Variants in CLHC1 observed in about 807,000 individuals in gnomAD.
CLHC1 encodes clathrin heavy chain linker domain containing 1.
Under a neutral mutation model 69.5 loss-of-function variants are expected in CLHC1, and 72 were observed. That is an observed-to-expected ratio of 1.04 (90% confidence interval 0.86 to 1.26). The LOEUF is 1.26. Ranked by LOEUF, CLHC1 falls within the 50% of genes most tolerant of loss-of-function variation. CLHC1 has a pLI of 0.00. For missense variants in CLHC1, 790 were observed against 679.3 expected, an observed-to-expected ratio of 1.16 and a Z score of -1.81; for synonymous variants, 223 against 224.3, an observed-to-expected ratio of 0.99 and a Z score of 0.05.
chr2:55,219,242 A>T (rs191526684), intron 3 of CLHC1, among the ~76,000 whole-genome samples: 9 of 152,286 alleles, frequency 5.9e-5, no homozygotes, highest in Admixed American at 5.2e-4. Flanking sequence ...GTAGGTAATA[A>T]ATATGTAGTG....
chr2:55,219,134 G>A (rs992130781), intron 3 of CLHC1, among the ~76,000 whole-genome samples: 2 of 152,068 alleles, frequency 1.3e-5, no homozygotes, highest in African/African-American at 4.8e-5. Flanking sequence ...ATCAATCTGC[G>A]GCTTTCCAAA....
chr2:55,208,439 T>C (rs1672648321), intron 8 of CLHC1, among the ~76,000 whole-genome samples, 187 bp downstream of exon 8: 1 of 152,188 alleles, frequency 6.6e-6, no homozygotes, highest in Non-Finnish European at 1.5e-5. Flanking sequence ...ATTTTTCGGA[T>C]TTTGGAGCAT....
intron 4 of CLHC1, 89 bp from the exon 5 acceptor site, chr2:55,212,895 T>G: frequency 2.9e-6 from 3 of 1,039,504 alleles, no homozygotes; most frequent in Non-Finnish European, 4.4e-6. Flanking sequence ...AATCATTACT[T>G]TATTTTGAAC....
At chr2:55,178,925 T>C (rs1413895907) in intron 11 of CLHC1, among the ~76,000 whole-genome samples, 1 of 147,758 alleles carries the variant, frequency 6.8e-6, no homozygotes, top group African/African-American at 2.4e-5. Context: ...AAAATTATTA[T>C]TATTATTATT....
At chr2:55,210,798 G>A (rs182035975) in intron 5 of CLHC1, among the ~76,000 whole-genome samples, 9 of 151,916 alleles carry the variant, frequency 5.9e-5, no homozygotes, top group East Asian at 3.9e-4. Flanking sequence ...TCACTCTCCC[G>A]TCTACTTATT....
chr2:55,217,552 AATATATATATATAT>A (rs781577612), intron 4 of CLHC1, among the ~76,000 whole-genome samples: 478 of 43,162 alleles, frequency 0.011, 7 homozygotes, highest in Middle Eastern at 0.045. Context: ...AAAAAAAAAA[AATATATATATATAT>A]ATATATATAT....
At chr2:55,182,676 T>G (rs1573599564) in intron 9 of CLHC1, among the ~76,000 whole-genome samples, 1 of 152,220 alleles carries the variant, frequency 6.6e-6, no homozygotes, top group East Asian at 1.9e-4. Flanking sequence ...GCCTGGAAAG[T>G]TTAAAGGTGA....
chr2:55,209,457 C>T lies in CLHC1; in HGVS notation c.761G>A (p.Ser254Asn). The part of the protein sequence containing the change: ...ALSSWVKSDM[S>N]SPFQDFVEQI... ...CTCCACAAAGTCTTGAAATGGGCTG[C>T]TCATATCAGATTTTACCCATGAACT... Residue 254 changes from serine to asparagine, a missense_variant, in exon 7 of 13, where the codon AGC (serine) becomes AAC (asparagine). Ser to Asn is a conservative substitution (Grantham distance 46, BLOSUM62 1). Coordinates refer to ENST00000401408, the MANE Select transcript of CLHC1 (RefSeq NM_152385.4). 4.3e-6 allele frequency: 7 copies of T among 1,612,644 alleles called. No homozygotes were observed. Among genetic ancestry groups the T allele is most frequent in the Non-Finnish European group, 5.9e-6 (7 of 1,179,558 alleles).
chr2:55,194,987 G>C (rs1214165256), intron 9 of CLHC1, among the ~76,000 whole-genome samples: 1 of 151,712 alleles, frequency 6.6e-6, no homozygotes, highest in Admixed American at 6.6e-5. Flanking sequence ...TGTGATCATA[G>C]CTCACTGCAG....
chr2:55,184,447 A>T (rs1670228859), intron 9 of CLHC1, among the ~76,000 whole-genome samples: 1 of 152,172 alleles, frequency 6.6e-6, no homozygotes, highest in Non-Finnish European at 1.5e-5. Flanking sequence ...TTTCAAGTAG[A>T]TAAAGTAGCT....
intron 9 of CLHC1, among the ~76,000 whole-genome samples, chr2:55,192,976 C>T (rs941882804): frequency 6.0e-5 from 9 of 150,852 alleles, no homozygotes; most frequent in Admixed American, 2.0e-4. Context: ...CTGCAACCTC[C>T]GCCTCCTGGG....
chr2:55,225,869 C>T (rs1052902527), intron 2 of CLHC1: 1 of 152,218 alleles, frequency 6.6e-6, no homozygotes, highest in Non-Finnish European at 1.5e-5. Context: ...TCAAGGCCAA[C>T]TGTCACGTGA....
chr2:55,180,458 C>T (rs1669818773), intron 11 of CLHC1, 52 bp downstream of exon 11: 2 of 1,363,050 alleles, frequency 1.5e-6, no homozygotes, highest in African/African-American at 1.4e-5. Context: ...GGTAATCTTA[C>T]AATTAAAGCC....
chr2:55,190,569 A>G (rs1430593241), intron 9 of CLHC1, among the ~76,000 whole-genome samples: 1 of 152,210 alleles, frequency 6.6e-6, no homozygotes, highest in African/African-American at 2.4e-5. Context: ...AGAAACTCAA[A>G]TCAAAGTTAC....
Position 55,222,396 on chromosome 2 carries a change from T to G in CLHC1, c.16A>C (p.Ile6Leu), listed in dbSNP as rs1384096311. Residue 6 changes from isoleucine (I) to leucine (L), a missense_variant, in exon 3 of 13, where the codon ATA becomes CTA. By Grantham distance (5) the Ile-to-Leu change is conservative (BLOSUM62 2). Transcript: ENST00000401408. ...GGTGGGAGAACTGCATGTTTTCTTA[T>G]TTGATGAACTGACATATTTGACAAT... is the stretch of plus-strand genomic sequence containing the variant. Reference protein sequence around the residue: MSVHQIRKHAVLPPII... With the variant: MSVHQLRKHAVLPPII... 1 of 1,613,442 alleles carries G rather than the reference T, an allele frequency of 6.2e-7. No homozygotes were observed. Among genetic ancestry groups the G allele is most frequent in the South Asian group, 1.1e-5 (1 of 91,008 alleles).
chr2:55,197,546 C>T (rs779511788), intron 9 of CLHC1, among the ~76,000 whole-genome samples: 8 of 152,170 alleles, frequency 5.3e-5, no homozygotes, highest in Non-Finnish European at 1.0e-4. Flanking sequence ...GGAGAGACTC[C>T]ATTTTAGGGG....
intron 9 of CLHC1, among the ~76,000 whole-genome samples, chr2:55,187,338 C>T (rs1345413903): frequency 2.0e-5 from 3 of 146,584 alleles, no homozygotes; most frequent in African/African-American, 8.0e-5. Flanking sequence ...CTGGGCCAGG[C>T]GTGGTGGCTC....
chr2:55,193,076 T>C (rs767204516), intron 9 of CLHC1, among the ~76,000 whole-genome samples: 62 of 152,084 alleles, frequency 4.1e-4, no homozygotes, highest in Non-Finnish European at 8.1e-4. Flanking sequence ...GTATATTTAG[T>C]AGAGACAGGG....
At chr2:55,199,051 C>A (rs1293364512) in intron 9 of CLHC1, among the ~76,000 whole-genome samples, 1 of 152,066 alleles carries the variant, frequency 6.6e-6, no homozygotes, top group Non-Finnish European at 1.5e-5. Flanking sequence ...AATCCCAGCA[C>A]TTTGGGAGAC....
Sources: allele counts gnomAD v4.1 joint callset (sites outside exome capture counted in the v4.1 genomes callset), GRCh38; gene constraint gnomAD v4.1.1; transcripts MANE v1.5; gene names NCBI Gene and HGNC (gene_info 2026-07-23, HGNC 2026-07-21).